The following AKT3 variants were observed in gnomAD, a reference collection of about 807,000 sequenced individuals.
The protein encoded by AKT3 is AKT serine/threonine kinase 3.
Under a neutral mutation model 65.3 loss-of-function variants are expected in AKT3, and 15 were observed. That is an observed-to-expected ratio of 0.23 (90% confidence interval 0.15 to 0.35). The LOEUF is 0.35. Among genes scored for constraint, AKT3 ranks in the 10% least tolerant of loss-of-function variants. The pLI is 1.00. For missense variants in AKT3, 243 were observed against 576.5 expected (o/e 0.42, Z 5.92); for synonymous variants, 206 against 183.8 (o/e 1.12, Z -0.98).
chr1:243,625,124 G>GTTTTTTTTTTTTTTTTT, intron 6 of AKT3: 1 of 75,240 alleles, frequency 1.3e-5, no homozygotes, highest in Non-Finnish European at 2.4e-5. Context: ...TGCAGTTTGT[G>GTTTTTTTTTTTTTTTTT]TTTTTTTTTT....
At chr1:243,688,507 T>C (rs967657997) in intron 3 of AKT3, among the ~76,000 whole-genome samples, 2 of 151,990 alleles carry the variant, frequency 1.3e-5, no homozygotes, top group African/African-American at 4.8e-5. Flanking sequence ...ATTTTATGCA[T>C]TGTTTCCAAA....
intron 13 of AKT3, among the ~76,000 whole-genome samples, chr1:243,492,194 A>C (rs1359325566): frequency 6.8e-6 from 1 of 146,184 alleles, no homozygotes; most frequent in Non-Finnish European, 1.5e-5. Context: ...TGCCACATGG[A>C]TGCTTTTGGC....
At chr1:243,757,607 G>A (rs957649720) in intron 2 of AKT3, among the ~76,000 whole-genome samples, 15 of 151,874 alleles carry the variant, frequency 9.9e-5, no homozygotes, top group African/African-American at 2.4e-4. Flanking sequence ...AGCAAAGAGC[G>A]AAACTCCATC....
Position 243,500,757 on chromosome 1 carries a change from T to A in AKT3, c.*4492A>T, listed in dbSNP as rs1669208416. ...TCAGCCTTGCCTCTCAGAAGTGATGTGGATTAGGCTTTGGAGGCGGTGGCA... is the reference window on the plus strand; with the variant it reads ...TCAGCCTTGCCTCTCAGAAGTGATGAGGATTAGGCTTTGGAGGCGGTGGCA... On this transcript the variant is annotated 3_prime_UTR_variant, in exon 14 of 14. Transcript: ENST00000673466. The A allele has an allele frequency of 3.5e-5, 8 of 228,558 alleles. No individual in the cohort carries two copies. In the South Asian group the frequency reaches 1.5e-3, roughly 42 times the overall value. 14.2% of individuals were successfully genotyped at this position (228,558 alleles called of 1,614,324 possible).
At chr1:243,642,591 G>C (rs1421615628) in intron 5 of AKT3, among the ~76,000 whole-genome samples, 6 of 152,256 alleles carry the variant, frequency 3.9e-5, no homozygotes, top group South Asian at 4.1e-4. Context: ...TTACAGGCGT[G>C]AGCCACCACG....
chr1:243,761,724 CCA>C (rs1689502338), intron 2 of AKT3, among the ~76,000 whole-genome samples: 1 of 152,070 alleles, frequency 6.6e-6, no homozygotes, highest in Non-Finnish European at 1.5e-5. Flanking sequence ...GCCCATAGCA[CCA>C]CGTTGGATAT....
At chr1:243,555,912 G>A (rs933916798) in intron 10 of AKT3, among the ~76,000 whole-genome samples, 1 of 152,062 alleles carries the variant, frequency 6.6e-6, no homozygotes, top group Admixed American at 6.6e-5. Context: ...CAGACATTTG[G>A]TATTTCCTCT....
chr1:243,607,667 T>C (rs1160813033), intron 8 of AKT3, among the ~76,000 whole-genome samples: 1 of 152,166 alleles, frequency 6.6e-6, no homozygotes, highest in Admixed American at 6.5e-5. Context: ...TAAGGGACTG[T>C]TGGAAAGGCA....
intron 8 of AKT3, among the ~76,000 whole-genome samples, chr1:243,599,697 C>T (rs1348705777): frequency 1.3e-5 from 2 of 152,102 alleles, no homozygotes; most frequent in Admixed American, 1.3e-4. Flanking sequence ...TAATAAAGAG[C>T]ATCTACGAAA....
At chr1:243,775,368 G>C (rs1690483178) in intron 2 of AKT3, among the ~76,000 whole-genome samples, 1 of 152,134 alleles carries the variant, frequency 6.6e-6, no homozygotes, top group African/African-American at 2.4e-5. Context: ...TTTTAGTAGA[G>C]ATGGGGTTTT....
intron 2 of AKT3, among the ~76,000 whole-genome samples, chr1:243,752,631 A>G (rs1435613040): frequency 6.6e-6 from 1 of 152,230 alleles, no homozygotes; most frequent in Admixed American, 6.5e-5. Flanking sequence ...AAATTCAAAT[A>G]GACTTTAGAT....
intron 8 of AKT3, among the ~76,000 whole-genome samples, chr1:243,592,305 A>G (rs1676288623): frequency 6.6e-6 from 1 of 152,006 alleles, no homozygotes; most frequent in African/African-American, 2.4e-5. Context: ...ACTGCACTCC[A>G]GCCTGGGCGA....
chr1:243,796,080 C>T (rs1216056130), intron 2 of AKT3, among the ~76,000 whole-genome samples: 3 of 152,208 alleles, frequency 2.0e-5, no homozygotes, highest in African/African-American at 2.4e-5. Flanking sequence ...GCATTTCTTA[C>T]AGGTATTTTT....
At chr1:243,778,145 A>G (rs1049334764) in intron 2 of AKT3, among the ~76,000 whole-genome samples, 21 of 152,190 alleles carry the variant, frequency 1.4e-4, no homozygotes, top group African/African-American at 5.1e-4. Flanking sequence ...AAAGACTATA[A>G]GCTGTTTGAG....
At chr1:243,593,903 G>A (rs548288790) in intron 8 of AKT3, among the ~76,000 whole-genome samples, 4 of 152,222 alleles carry the variant, frequency 2.6e-5, no homozygotes, top group African/African-American at 9.6e-5. Flanking sequence ...CGCTACTTTT[G>A]TTCAACACTG....
At chr1:243,725,764 T>C (rs1687172032) in intron 2 of AKT3, among the ~76,000 whole-genome samples, 2 of 152,336 alleles carry the variant, frequency 1.3e-5, no homozygotes, top group Non-Finnish European at 2.9e-5. Context: ...TGAAAAGTGG[T>C]AACTGGCTTA....
intron 2 of AKT3, among the ~76,000 whole-genome samples, chr1:243,730,438 A>G (rs1411989511): frequency 6.6e-6 from 1 of 152,182 alleles, no homozygotes; most frequent in Non-Finnish European, 1.5e-5. Context: ...GGGCTGCAAC[A>G]CTTTCCTGGC....
intron 3 of AKT3, among the ~76,000 whole-genome samples, chr1:243,683,272 G>A (rs1243090507): frequency 2.6e-5 from 4 of 152,088 alleles, no homozygotes; most frequent in Non-Finnish European, 5.9e-5. Context: ...CTCAAAGAAA[G>A]GTTGGTTTCC....
intron 6 of AKT3, among the ~76,000 whole-genome samples, chr1:243,633,692 A>G (rs1679772259): frequency 6.6e-6 from 1 of 152,188 alleles, no homozygotes; most frequent in African/African-American, 2.4e-5. Context: ...TCAATTAAAC[A>G]CAAAAGAAGG....
Sources: allele counts gnomAD v4.1 joint callset (sites outside exome capture counted in the v4.1 genomes callset), GRCh38; gene constraint gnomAD v4.1.1; transcripts MANE v1.5; gene names NCBI Gene and HGNC (gene_info 2026-07-23, HGNC 2026-07-21).